The following VPS13B variants were observed in gnomAD, a reference collection of about 807,000 sequenced individuals.
The protein encoded by VPS13B is vacuolar protein sorting 13 homolog B, also known as intermembrane lipid transfer protein VPS13B.
Under a neutral mutation model 426.4 loss-of-function variants are expected in VPS13B, and 285 were observed. The observed-to-expected ratio is 0.67, with a 90% CI of 0.61 to 0.74. VPS13B has a LOEUF of 0.74. Ranked by LOEUF, VPS13B falls within the 30% of genes least tolerant of loss-of-function variation. The probability of loss-of-function intolerance (pLI) is 0.00; values close to 1 mark genes in which losing one functional copy is unlikely to be tolerated. For missense variants in VPS13B, 4,537 were observed against 4,782.6 expected (o/e 0.95, Z 1.51); for synonymous variants, 1,676 against 1,676.4 (o/e 1.00, Z 0.01).
At chr8:99,807,208 C>T (rs566876043) in intron 43 of VPS13B, among the ~76,000 whole-genome samples, 27 of 152,278 alleles carry the variant, frequency 1.8e-4, no homozygotes, top group Admixed American at 1.1e-3. Context: ...GAACAAATAG[C>T]TGCCAAGCAA....
chr8:99,779,384 G>T (rs191882132), intron 42 of VPS13B, among the ~76,000 whole-genome samples: 1 of 151,920 alleles, frequency 6.6e-6, no homozygotes, highest in African/African-American at 2.4e-5. Context: ...ATTGTCTAAC[G>T]GTCCATTGCA....
At chr8:99,583,031 CCAT>C (rs1231070445) in intron 33 of VPS13B, among the ~76,000 whole-genome samples, 1 of 152,162 alleles carries the variant, frequency 6.6e-6, no homozygotes, top group Admixed American at 6.5e-5. Flanking sequence ...CACCCCATTC[CCAT>C]CAGTGGCTCT....
Position 99,710,404 on chromosome 8 carries a change from A to G in VPS13B, c.6455-6767A>G, listed in dbSNP as rs535311215. 1.1e-4 allele frequency among the ~76,000 whole-genome samples: 16 copies of G among 152,260 alleles called. No individual in the cohort carries two copies. The East Asian group carries it at 1.5e-3, about 15-fold the overall frequency. On this transcript the variant is annotated intron_variant, in intron 36 of 61. Coordinates refer to ENST00000357162, the MANE Select transcript of VPS13B (RefSeq NM_152564.5). ...TTATACCAGGTTGTTGGATGTGTAA[A>G]TATCTAGTTTACATGAACTCTGAGT...
chr8:99,593,903 A>C (rs1421489676), intron 33 of VPS13B, among the ~76,000 whole-genome samples: 1 of 151,888 alleles, frequency 6.6e-6, no homozygotes. Context: ...ACTGAGGTCC[A>C]TGGGTGGAGG....
intron 19 of VPS13B, among the ~76,000 whole-genome samples, chr8:99,276,561 G>C (rs1219786368): frequency 6.6e-6 from 1 of 152,094 alleles, no homozygotes; most frequent in African/African-American, 2.4e-5. Flanking sequence ...CACAAAAATA[G>C]CTACAGACAA....
chr8:99,419,080 T>A (rs1816235579), intron 21 of VPS13B, among the ~76,000 whole-genome samples: 1 of 152,190 alleles, frequency 6.6e-6, no homozygotes, highest in African/African-American at 2.4e-5. Context: ...AATCCCCACG[T>A]GTTGAAGGTG....
chr8:99,342,517 T>C (rs890761073), intron 19 of VPS13B, among the ~76,000 whole-genome samples: 9 of 151,834 alleles, frequency 5.9e-5, no homozygotes, highest in Non-Finnish European at 1.0e-4. Context: ...GCCTTGCTTA[T>C]TTCACTTAGT....
intron 15 of VPS13B, among the ~76,000 whole-genome samples, chr8:99,157,479 G>T (rs79348716): frequency 2.0e-5 from 3 of 151,676 alleles, no homozygotes; most frequent in African/African-American, 4.9e-5. Flanking sequence ...ACTGTTTTTC[G>T]GGCACCAAGA....
intron 21 of VPS13B, among the ~76,000 whole-genome samples, chr8:99,424,077 T>C (rs1049169312): frequency 6.6e-6 from 1 of 152,216 alleles, no homozygotes; most frequent in Non-Finnish European, 1.5e-5. Flanking sequence ...ACTTGCTTTA[T>C]GAATCTGTGT....
At chr8:99,801,061 GT>G (rs1389087115) in intron 43 of VPS13B, among the ~76,000 whole-genome samples, 1 of 152,086 alleles carries the variant, frequency 6.6e-6, no homozygotes, top group African/African-American at 2.4e-5. Context: ...TGACTTTCTT[GT>G]CAGTTACTTT....
chr8:99,336,687 C>T (rs1405489262), intron 19 of VPS13B, among the ~76,000 whole-genome samples: 1 of 152,126 alleles, frequency 6.6e-6, no homozygotes, highest in Non-Finnish European at 1.5e-5. Flanking sequence ...ATAACCCCAT[C>T]AAAAAGTGGG....
At chr8:99,443,725 G>T (rs1378256105) in intron 23 of VPS13B, among the ~76,000 whole-genome samples, 3 of 152,114 alleles carry the variant, frequency 2.0e-5, no homozygotes, top group Non-Finnish European at 4.4e-5. Context: ...TCAGTTGATG[G>T]ACAGTTGAAG....
At chr8:99,819,704 C>A in intron 48 of VPS13B, 122 bp downstream of exon 48, 1 of 1,254,906 alleles carries the variant, frequency 8.0e-7, no homozygotes, top group Non-Finnish European at 1.1e-6. Context: ...TACCTTTTAT[C>A]ATCTAGTAGG....
At chr8:99,030,665 A>G (rs11989805) in intron 2 of VPS13B, among the ~76,000 whole-genome samples, 11,359 of 152,230 alleles carry the variant, frequency 0.075, 647 homozygotes, top group African/African-American at 0.16. Flanking sequence ...CAAATGCACA[A>G]TATATTATGC....
chr8:99,020,600 A>G (rs978548381), intron 2 of VPS13B, among the ~76,000 whole-genome samples: 2 of 152,072 alleles, frequency 1.3e-5, no homozygotes, highest in Non-Finnish European at 2.9e-5. Flanking sequence ...TTTTCTTCTA[A>G]TTTTTTTGTT....
At chr8:99,344,127 C>T (rs1489353937) in intron 19 of VPS13B, among the ~76,000 whole-genome samples, 1 of 152,044 alleles carries the variant, frequency 6.6e-6, no homozygotes, top group East Asian at 1.9e-4. Flanking sequence ...ATCAATGGAA[C>T]AAGTTAGAAG....
intron 17 of VPS13B, chr8:99,233,149 G>T: frequency 7.2e-7 from 1 of 1,396,102 alleles, no homozygotes; most frequent in South Asian, 1.2e-5. Flanking sequence ...AGTCTGGCTA[G>T]CAAAGAAGTG....
intron 34 of VPS13B, among the ~76,000 whole-genome samples, chr8:99,657,470 T>TGTGTGTGTGTGTGTGTGTG (rs60760111): frequency 0.038 from 5,604 of 146,950 alleles, 143 homozygotes; most frequent in South Asian, 0.062. Context: ...ACTTTAAAAA[T>TGTGTGTGTGTGTGTGTGTG]TGTGTGTGTG....
chr8:99,428,978 T>C (rs78715681), intron 21 of VPS13B, among the ~76,000 whole-genome samples: 26,430 of 151,978 alleles, frequency 0.17, 2,809 homozygotes, highest in East Asian at 0.38. Context: ...ATGTCCTTTG[T>C]AGGGACATGG....
Sources: gnomAD v4.1 joint callset for allele counts (sites outside exome capture counted in the v4.1 genomes callset) on GRCh38, gnomAD v4.1.1 for gene constraint, MANE v1.5 for transcripts, NCBI Gene and HGNC (gene_info 2026-07-23, HGNC 2026-07-21) for gene names.